The following EYA1 variants were observed in gnomAD, a reference collection of about 807,000 sequenced individuals.
The protein encoded by EYA1 is EYA transcriptional coactivator and phosphatase 1, also known as protein phosphatase EYA1.
EYA1 carries 16 observed loss-of-function variants against 82.0 expected under a neutral mutation model. That is an observed-to-expected ratio of 0.20 (90% CI 0.13 to 0.30). The LOEUF (loss-of-function observed/expected upper bound fraction) is 0.30, where lower values mean the gene tolerates loss of function less well. Among genes scored for constraint, EYA1 ranks in the 10% least tolerant of loss-of-function variants. The pLI, the probability that EYA1 is intolerant of heterozygous loss-of-function variation, is 1.00. For synonymous variants in EYA1, 261 were observed against 264.4 expected (o/e 0.99, Z 0.12); for missense variants, 633 against 730.7 (o/e 0.87, Z 1.54).
At chr8:71,420,037 T>A (rs927517824) in intron 2 of EYA1, among the ~76,000 whole-genome samples, 1 of 152,130 alleles carries the variant, frequency 6.6e-6, no homozygotes, top group Non-Finnish European at 1.5e-5. Flanking sequence ...TGCACCTTCC[T>A]TGAAAAGAAA....
intron 2 of EYA1, among the ~76,000 whole-genome samples, chr8:71,515,042 C>A (rs1369803137): frequency 6.6e-6 from 1 of 152,076 alleles, no homozygotes; most frequent in Non-Finnish European, 1.5e-5. Context: ...CTCAGATCTT[C>A]CTTCCTGGTG....
At chr8:71,376,571 G>T (rs1007375730) in intron 2 of EYA1, among the ~76,000 whole-genome samples, 2 of 152,128 alleles carry the variant, frequency 1.3e-5, no homozygotes, top group Non-Finnish European at 2.9e-5. Context: ...AGTGTAATCT[G>T]ACCAGGGTTT....
intron 2 of EYA1, among the ~76,000 whole-genome samples, chr8:71,407,427 A>G (rs1004864286): frequency 4.7e-5 from 7 of 149,202 alleles, no homozygotes; most frequent in Non-Finnish European, 8.9e-5. Flanking sequence ...AATTACTCTG[A>G]GCTACGGGAG....
At chr8:71,415,739 C>T (rs1263945643) in intron 2 of EYA1, among the ~76,000 whole-genome samples, 2 of 152,186 alleles carry the variant, frequency 1.3e-5, no homozygotes, top group African/African-American at 4.8e-5. Context: ...AAAGAGGCAT[C>T]ACGGCTCCTG....
At chr8:71,494,350 T>G (rs533141876) in intron 2 of EYA1, among the ~76,000 whole-genome samples, 1 of 152,336 alleles carries the variant, frequency 6.6e-6, no homozygotes, top group East Asian at 1.9e-4. Context: ...TTGCTTATTT[T>G]TTTTTAGTTT....
rs998212858 is a variant in EYA1 at position 71,197,649 on chromosome 8, A to C, written c.*1691T>G. On this transcript the variant is annotated 3_prime_UTR_variant, in exon 18 of 18. Transcript: ENST00000340726. ...GGAAGAAAAAACTAATTCAATTGTG[A>C]ATTTAAACAATTTGGATAATTCACA... 6 of 152,660 alleles carry C rather than the reference A, an allele frequency of 3.9e-5. No homozygotes were observed. The highest frequency in any genetic ancestry group is 3.3e-4 in the Admixed American group (5 of 15,282). The allele number at this position is 152,660 out of a possible 1,614,324, so 9.5% of individuals were successfully genotyped here. A position where few individuals can be genotyped will look rare whatever the true frequency, so the allele number is the denominator to read the frequency against.
chr8:71,344,657 C>T (rs754655857), intron 3 of EYA1, among the ~76,000 whole-genome samples: 16 of 152,150 alleles, frequency 1.1e-4, no homozygotes, highest in Non-Finnish European at 2.1e-4. Flanking sequence ...TTAATCATTC[C>T]TTTGATATAG....
In EYA1 at chr8:71,370,794, T is replaced by A. The variant is rs73294224; in HGVS notation, c.34-14283A>T. 3.7e-4 allele frequency among the ~76,000 whole-genome samples: 56 copies of A among 152,082 alleles called. 2 individuals carry two copies. The highest frequency in any genetic ancestry group is 1.3e-3 in the African/African-American group (54 of 41,506). Reference sequence around the variant, plus strand: ...TACCACCATGCCTAGCTATTTTTTTTTTTTATTTTACGTACAGACGAGGTC... The same window carrying A: ...TACCACCATGCCTAGCTATTTTTTTATTTTATTTTACGTACAGACGAGGTC... On this transcript the variant is annotated intron_variant, in intron 2 of 18. Coordinates refer to the EYA1 transcript ENST00000643681.
chr8:71,547,939 G>A (rs558112140), exon 1 of EYA1: 21 of 152,300 alleles, frequency 1.4e-4, no homozygotes, highest in African/African-American at 4.8e-4. Context: ...GTAACAGAGA[G>A]GCCGGGGCAG....
intron 2 of EYA1, among the ~76,000 whole-genome samples, chr8:71,527,449 C>CAG (rs749705251): frequency 5.3e-4 from 81 of 152,188 alleles, no homozygotes; most frequent in African/African-American, 1.9e-3. Context: ...AAATGAGGCC[C>CAG]AGAGAGAGAG....
chr8:71,422,092 AGAT>A (rs1280709829), intron 2 of EYA1, among the ~76,000 whole-genome samples: 1 of 152,232 alleles, frequency 6.6e-6, no homozygotes, highest in African/African-American at 2.4e-5. Context: ...CTTAACGTAA[AGAT>A]GATAATTCTG....
intron 2 of EYA1, among the ~76,000 whole-genome samples, chr8:71,398,262 T>G (rs1051561368): frequency 6.6e-6 from 1 of 151,562 alleles, no homozygotes; most frequent in Non-Finnish European, 1.5e-5. Flanking sequence ...GATAAGTTTG[T>G]TATTACTTAT....
At position 71,215,513 on chromosome 8, in the gene EYA1, G is replaced by C. The variant is rs1305887690; in HGVS notation, c.1476-5C>G. The C allele has an allele frequency of 3.7e-6, 6 of 1,613,400 alleles. No homozygotes were observed. Among genetic ancestry groups the C allele is most frequent in the Non-Finnish European group, 5.1e-6 (6 of 1,179,374 alleles). ...AAAATATTCACACAGTTTGTCCTAT[G>C]AGAACAAAAAGAAAACAAAGACTGT... is the stretch of plus-strand genomic sequence containing the variant. On this transcript the variant is annotated splice_polypyrimidine_tract_variant and splice_region_variant and intron_variant, in intron 15 of 17. Transcript: ENST00000340726.
chr8:71,337,016 T>A (rs1309947180), intron 3 of EYA1, among the ~76,000 whole-genome samples: 1 of 152,218 alleles, frequency 6.6e-6, no homozygotes, highest in Admixed American at 6.5e-5. Context: ...GAGAATGATC[T>A]CTGGCCACCA....
intron 1 of EYA1, among the ~76,000 whole-genome samples, chr8:71,358,213 A>T (rs780184016): frequency 3.3e-5 from 5 of 152,212 alleles, no homozygotes; most frequent in Non-Finnish European, 5.9e-5. Flanking sequence ...TTAACCAATC[A>T]TATTTAAATT....
chr8:71,381,891 A>C (rs1268055919), intron 2 of EYA1, among the ~76,000 whole-genome samples: 2 of 152,232 alleles, frequency 1.3e-5, no homozygotes, highest in African/African-American at 4.8e-5. Context: ...CTAAGCCTTT[A>C]CAACAATTAA....
At chr8:71,218,061 T>C (rs1426890877) in intron 12 of EYA1, among the ~76,000 whole-genome samples, 1 of 152,222 alleles carries the variant, frequency 6.6e-6, no homozygotes, top group Non-Finnish European at 1.5e-5. Flanking sequence ...ATTTCAGTCA[T>C]GTTCCTCTCT....
intron 3 of EYA1, among the ~76,000 whole-genome samples, chr8:71,337,214 A>C (rs944149131): frequency 2.8e-4 from 42 of 152,178 alleles, no homozygotes; most frequent in African/African-American, 1.0e-3. Context: ...TAAAAAGGAA[A>C]AACTATGAAT....
At chr8:71,272,040 T>C in intron 9 of EYA1, 143 bp from the exon 10 acceptor site, 1 of 864,412 alleles carries the variant, frequency 1.2e-6, no homozygotes, top group Non-Finnish European at 2.0e-6. Context: ...TTACTTGCGC[T>C]GGTAAATAAT....
Sources: gnomAD v4.1 joint callset for allele counts (sites outside exome capture counted in the v4.1 genomes callset) on GRCh38, gnomAD v4.1.1 for gene constraint, MANE v1.5 for transcripts, NCBI Gene and HGNC (gene_info 2026-07-23, HGNC 2026-07-21) for gene names.